The following LIN7C variants were observed in gnomAD, a reference collection of about 807,000 sequenced individuals.
The protein encoded by LIN7C is lin-7 cell polarity scaffold C, also known as protein lin-7 homolog C.
LIN7C carries 17 observed loss-of-function variants against 24.7 expected under a neutral mutation model. The observed-to-expected ratio is 0.69, with a 90% CI of 0.47 to 1.03. LIN7C has a LOEUF of 1.03. Ranked by LOEUF, LIN7C falls within the 50% of genes least tolerant of loss-of-function variation. LIN7C has a pLI of 0.00. For missense variants in LIN7C, 204 were observed against 239.0 expected, an observed-to-expected ratio of 0.85 and a Z score of 0.97; for synonymous variants, 90 against 83.4, an observed-to-expected ratio of 1.08 and a Z score of -0.43.
chr11:27,499,635 C>G, intron 3 of LIN7C, 67 bp from the exon 4 acceptor site: 1 of 1,411,526 alleles, frequency 7.1e-7, no homozygotes, highest in Non-Finnish European at 9.8e-7. Flanking sequence ...TCTTTTGTTT[C>G]CCCCCGAGAT....
intron 3 of LIN7C, among the ~76,000 whole-genome samples, chr11:27,499,785 G>A (rs1865205240): frequency 6.6e-6 from 1 of 151,406 alleles, no homozygotes; most frequent in Admixed American, 6.6e-5. Context: ...ACCACGCCCG[G>A]CTAATTTTTT....
At position 27,506,620 on chromosome 11, in the gene LIN7C, C is replaced by A; in HGVS notation, c.37+96G>T. 2.1e-6 allele frequency: 3 copies of A among 1,415,218 alleles called. No homozygotes were observed. The South Asian group carries it at 3.5e-5, about 16-fold the overall frequency. 87.7% of individuals were successfully genotyped at this position (1,415,218 alleles called of 1,614,324 possible). A position where few individuals can be genotyped will look rare whatever the true frequency, so the allele number is the denominator to read the frequency against. On this transcript the variant is annotated intron_variant, in intron 1 of 4. Transcript: ENST00000278193. ...CGCCGGCACAAGGGACAGCGTGGCC[C>A]GGATCTCAGAGCCTGGGTCACTCCT...
Position 27,498,662 on chromosome 11 carries a change from C to T in LIN7C, c.581G>A (p.Arg194Lys), listed in dbSNP as rs1865193501. The change falls in exon 5 of 5, where the codon AGG (arginine) becomes AAG (lysine). Residue 194 changes from arginine to lysine, a missense_variant. Arg to Lys is a conservative substitution (Grantham distance 26). This residue lies in a region of LIN7C where 74 missense variants were observed against 99.6 expected (regional missense o/e 0.74). Coordinates refer to ENST00000278193, the MANE Select transcript of LIN7C (RefSeq NM_018362.4). Reference protein sequence around the residue: ...RFEKMRSAKRRQQT With the variant: ...RFEKMRSAKRKQQT ...TTTTGAAATGTATTAGGTCTGTTGC[C>T]TGCGTTTTGCTGATCTCATTTTTTC... The T allele has an allele frequency of 6.2e-7, 1 of 1,613,854 alleles. No individual in the cohort carries two copies. Among genetic ancestry groups the T allele is most frequent in the African/African-American group, 1.3e-5 (1 of 75,000 alleles).
chr11:27,495,727 G>C lies in LIN7C; in HGVS notation c.*2922C>G, dbSNP rs1298064944. The C allele has an allele frequency of 2.0e-5, 3 of 150,634 alleles. No individual in the cohort carries two copies. The highest frequency in any genetic ancestry group is 6.7e-5 in the Admixed American group (1 of 15,022). 9.3% of individuals were successfully genotyped at this position (150,634 alleles called of 1,614,324 possible). A position where few individuals can be genotyped will look rare whatever the true frequency, so the allele number is the denominator to read the frequency against. Reference sequence around the variant, plus strand: ...TAAAAAGCTCACATTTAAATTACTGGTAGATTTTATTAAAAAAAAGAAAAA... The same window carrying C: ...TAAAAAGCTCACATTTAAATTACTGCTAGATTTTATTAAAAAAAAGAAAAA... On this transcript the variant is annotated 3_prime_UTR_variant, in exon 5 of 5. Transcript: ENST00000278193.
chr11:27,504,096 G>A (rs897291676), intron 1 of LIN7C, among the ~76,000 whole-genome samples: 22 of 152,164 alleles, frequency 1.4e-4, no homozygotes, highest in African/African-American at 5.1e-4. Context: ...GGGATTACAG[G>A]CGTGAGCCAC....
rs1214073685 is a variant in LIN7C, at chr11:27,494,638, A to C, written c.*4011T>G. 6.6e-6 allele frequency: 1 copy of C among 152,246 alleles called. No individual in the cohort carries two copies. Among genetic ancestry groups the C allele is most frequent in the Non-Finnish European group, 1.5e-5 (1 of 68,044 alleles). The allele number at this position is 152,246 out of a possible 1,614,324, so 9.4% of individuals were successfully genotyped here. On this transcript the variant is annotated 3_prime_UTR_variant, in exon 5 of 5. Transcript: ENST00000278193. ...CAGAATTAAATTGATAAATGAAGTA[A>C]TCTATTGAAAAATGTTATTTTACAT... is the stretch of plus-strand genomic sequence containing the variant.
At chr11:27,505,895 G>C (rs972030765) in intron 1 of LIN7C, among the ~76,000 whole-genome samples, 1 of 152,204 alleles carries the variant, frequency 6.6e-6, no homozygotes, top group Non-Finnish European at 1.5e-5. Flanking sequence ...TAGGGACAGA[G>C]TGGAATGCTG....
chr11:27,505,702 T>C (rs376231444), intron 1 of LIN7C, among the ~76,000 whole-genome samples: 2 of 152,332 alleles, frequency 1.3e-5, no homozygotes, highest in South Asian at 2.1e-4. Context: ...TAGGGAACAA[T>C]AGTAATATTT....
At chr11:27,504,271 TAA>T (rs1865251988) in intron 1 of LIN7C, among the ~76,000 whole-genome samples, 1 of 152,202 alleles carries the variant, frequency 6.6e-6, no homozygotes, top group African/African-American at 2.4e-5. Context: ...TTTTGATTTA[TAA>T]AGTTATAATA....
At chr11:27,501,234 T>C (rs1346652582) in intron 3 of LIN7C, among the ~76,000 whole-genome samples, 1 of 152,120 alleles carries the variant, frequency 6.6e-6, no homozygotes. Context: ...ATATATTGCA[T>C]GATACATATT....
In LIN7C at chr11:27,497,172, T is replaced by C. The variant is rs1865180080; in HGVS notation, c.*1477A>G. 1 of 152,534 alleles carries C rather than the reference T, an allele frequency of 6.6e-6. No individual in the cohort carries two copies. The allele number at this position is 152,534 out of a possible 1,614,324, so 9.4% of individuals were successfully genotyped here. ...TTTATTTTGAAAAATCATTGAAAAC[T>C]GGAATAATCATCTGAGACTCACAGT... On this transcript the variant is annotated 3_prime_UTR_variant, in exon 5 of 5. Transcript: ENST00000278193.
rs766164091 is a variant in LIN7C at position 27,498,619 on chromosome 11, G to A, written c.*30C>T. 10 of 1,595,050 alleles carry A rather than the reference G, an allele frequency of 6.3e-6. No homozygotes were observed. The highest frequency in any genetic ancestry group is 3.4e-5 in the South Asian group (3 of 87,966). ...CAAGGAAAACTTCTCTAGCTAAAACGCAAAATGAAATATCAAGTTTTGAAA... is the reference window on the plus strand; with the variant it reads ...CAAGGAAAACTTCTCTAGCTAAAACACAAAATGAAATATCAAGTTTTGAAA... On this transcript the variant is annotated 3_prime_UTR_variant, in exon 5 of 5. Transcript: ENST00000278193.
chr11:27,504,245 G>A (rs183316124), intron 1 of LIN7C, among the ~76,000 whole-genome samples: 59 of 152,242 alleles, frequency 3.9e-4, no homozygotes, highest in Non-Finnish European at 1.6e-4. Context: ...CATGGGGACT[G>A]TTGGTTCATC....
chr11:27,495,029 T>C lies in LIN7C; in HGVS notation c.*3620A>G, dbSNP rs1865148927. On this transcript the variant is annotated 3_prime_UTR_variant, in exon 5 of 5. Transcript: ENST00000278193. Reference sequence around the variant, plus strand: ...ACACCAGGTCATGCTGACATTCTTTTTGGATAAGCCATAACCATTTCTTCT... The same window carrying C: ...ACACCAGGTCATGCTGACATTCTTTCTGGATAAGCCATAACCATTTCTTCT... The C allele has an allele frequency of 6.5e-6, 1 of 152,690 alleles. No individual in the cohort carries two copies. The highest frequency in any genetic ancestry group is 2.4e-5 in the African/African-American group (1 of 41,470). 9.5% of individuals were successfully genotyped at this position (152,690 alleles called of 1,614,324 possible). A position where few individuals can be genotyped will look rare whatever the true frequency, so the allele number is the denominator to read the frequency against.
At chr11:27,501,726 A>C (rs1479989736) in intron 2 of LIN7C, 76 bp downstream of exon 2, 1 of 1,030,214 alleles carries the variant, frequency 9.7e-7, no homozygotes, top group Admixed American at 2.4e-5. Flanking sequence ...TTCTTAAGAA[A>C]TGTTGAACCC....
Position 27,501,792 on chromosome 11 carries a change from G to A in LIN7C, c.156+10C>T, listed in dbSNP as rs538775685. ...TCAAATTTTTGTAAATTTTAATGAT[G>A]TTTACTCACCTCTCTCACAGCATTG... is the stretch of plus-strand genomic sequence containing the variant. On this transcript the variant is annotated intron_variant, in intron 2 of 4. Coordinates refer to ENST00000278193, the MANE Select transcript of LIN7C (RefSeq NM_018362.4). 124 of 1,548,132 alleles carry A rather than the reference G, an allele frequency of 8.0e-5. No homozygotes were observed. In the East Asian group the frequency reaches 2.8e-3, roughly 35 times the overall value.
rs969455093 is a variant in LIN7C, at chr11:27,498,558, C to G, written c.*91G>C. 2 of 1,181,480 alleles carry G rather than the reference C, an allele frequency of 1.7e-6. No homozygotes were observed. The highest frequency in any genetic ancestry group is 4.8e-5 in the East Asian group (2 of 41,610). The allele number at this position is 1,181,480 out of a possible 1,614,324, so 73.2% of individuals were successfully genotyped here. A position where few individuals can be genotyped will look rare whatever the true frequency, so the allele number is the denominator to read the frequency against. On this transcript the variant is annotated 3_prime_UTR_variant, in exon 5 of 5. Coordinates refer to ENST00000278193, the MANE Select transcript of LIN7C (RefSeq NM_018362.4). ...ATTTCATGATAAATTTGTTTGTTTTCTTACAATCATTGGCATTGCAGCCAT... is the reference window on the plus strand; with the variant it reads ...ATTTCATGATAAATTTGTTTGTTTTGTTACAATCATTGGCATTGCAGCCAT...
chr11:27,504,100 G>A (rs1466445912), intron 1 of LIN7C, among the ~76,000 whole-genome samples: 1 of 152,176 alleles, frequency 6.6e-6, no homozygotes, highest in African/African-American at 2.4e-5. Context: ...TTACAGGCGT[G>A]AGCCACTGCG....
chr11:27,502,949 T>TA (rs1012955603), intron 1 of LIN7C, among the ~76,000 whole-genome samples: 17 of 151,264 alleles, frequency 1.1e-4, no homozygotes, highest in African/African-American at 2.2e-4. Context: ...CCAACTCTAC[T>TA]AAAAAAAATA....
Sources: gnomAD v4.1 joint callset for allele counts (sites outside exome capture counted in the v4.1 genomes callset) on GRCh38, gnomAD v4.1.1 for gene constraint, gnomAD v4.1.1 regional missense constraint, MANE v1.5 for transcripts, NCBI Gene and HGNC (gene_info 2026-07-23, HGNC 2026-07-21) for gene names.